PSME1: variants seen among roughly 807,000 people sequenced by gnomAD.
The protein encoded by PSME1 is proteasome activator complex subunit 1.
PSME1 carries 15 observed loss-of-function variants against 38.4 expected under a neutral mutation model. The ratio of observed to expected loss-of-function variants is 0.39; its 90% CI spans 0.26 to 0.60. The LOEUF (loss-of-function observed/expected upper bound fraction) is 0.60, where lower values mean the gene tolerates loss of function less well. Ranked by LOEUF, PSME1 falls within the 20% of genes least tolerant of loss-of-function variation. PSME1 has a pLI of 0.53. For synonymous variants in PSME1, 106 were observed against 106.8 expected (o/e 0.99, Z 0.05); for missense variants, 249 against 305.6 (o/e 0.81, Z 1.38).
Position 24,138,746 on chromosome 14 carries a change from A to C in PSME1, c.680A>C (p.Tyr227Ser), listed in dbSNP as rs2037968875. ...MEIRNAYAVL[Y>S]DIILKNFEKL... ...TCCCTGGCCCTGTAGGCTGTGTTAT[A>C]TGACATCATCCTGAAGAACTTCGAG... The change falls in exon 11 of 11, where the codon TAT becomes TCT. Residue 227 changes from tyrosine to serine, a missense_variant. Physicochemically the swap from Tyr to Ser is moderately radical, Grantham distance 144. Coordinates refer to ENST00000206451, the MANE Select transcript of PSME1 (RefSeq NM_006263.4). 2 of 1,614,154 alleles carry C rather than the reference A, an allele frequency of 1.2e-6. No individual in the cohort carries two copies. The highest frequency in any genetic ancestry group is 1.7e-6 in the Non-Finnish European group (2 of 1,180,032).
At chr14:24,137,117 C>T in intron 2 of PSME1, 26 bp from the exon 3 acceptor site, 4 of 1,614,050 alleles carry the variant, frequency 2.5e-6, no homozygotes, top group Non-Finnish European at 3.4e-6. Flanking sequence ...GACTCCCATC[C>T]TCCTCCACCC....
At position 24,136,462 on chromosome 14, in the gene PSME1, C is replaced by A; in HGVS notation, c.39+161C>A. The stretch of plus-strand genomic sequence containing the variant: ...GCCCCGGGGAGGGCGGCGACTGCTG[C>A]CTGCGGGGAGAGGCGAGGCGGCCGT... On this transcript the variant is annotated intron_variant, in intron 1 of 10. Transcript: ENST00000206451. The surrounding 1 kb of genome is among the most constrained non-coding windows in gnomAD (Gnocchi z 4.8). 1 of 666,988 alleles carries A rather than the reference C, an allele frequency of 1.5e-6. No individual in the cohort carries two copies. Among genetic ancestry groups the A allele is most frequent in the Non-Finnish European group, 2.3e-6 (1 of 437,088 alleles). 41.3% of individuals were successfully genotyped at this position (666,988 alleles called of 1,614,324 possible). A position where few individuals can be genotyped will look rare whatever the true frequency, so the allele number is the denominator to read the frequency against.
In PSME1 at chr14:24,136,353, G is replaced by A; in HGVS notation, c.39+52G>A. The A allele has an allele frequency of 1.4e-6, 2 of 1,470,910 alleles. No individual in the cohort carries two copies. The highest frequency in any genetic ancestry group is 1.8e-6 in the Non-Finnish European group (2 of 1,108,104). The allele number at this position is 1,470,910 out of a possible 1,614,324, so 91.1% of individuals were successfully genotyped here. A position where few individuals can be genotyped will look rare whatever the true frequency, so the allele number is the denominator to read the frequency against. On this transcript the variant is annotated intron_variant, in intron 1 of 10. Transcript: ENST00000206451. This position sits in a 1 kb window ranked among gnomAD's most constrained non-coding sequence, Gnocchi z 4.8. ...CCCACTGGGGAGGCGTGGCTGGAGC[G>A]GCCGGGGGCATCCCCGACCCGCCCC... is the stretch of plus-strand genomic sequence containing the variant.
chr14:24,137,839 A>G lies in PSME1; in HGVS notation c.390+42A>G, dbSNP rs371326607. 33 of 1,579,898 alleles carry G rather than the reference A, an allele frequency of 2.1e-5. 1 individual carries two copies. The highest frequency in any genetic ancestry group is 1.2e-4 in the South Asian group (11 of 90,484). On this transcript the variant is annotated intron_variant, in intron 6 of 10. Coordinates refer to ENST00000206451, the MANE Select transcript of PSME1 (RefSeq NM_006263.4). ...AAACTCTCAGGCTTCAAGTCAAACCATTGTCCTCTTGGTCCCTGCCATTTA... is the reference window on the plus strand; with the variant it reads ...AAACTCTCAGGCTTCAAGTCAAACCGTTGTCCTCTTGGTCCCTGCCATTTA...
Position 24,136,258 on chromosome 14 carries a change from C to A in PSME1, c.-5C>A. On this transcript the variant is annotated 5_prime_UTR_variant, in exon 1 of 11. Transcript: ENST00000206451. The surrounding 1 kb of genome is among the most constrained non-coding windows in gnomAD (Gnocchi z 4.8). The stretch of plus-strand genomic sequence containing the variant: ...TTGTGCGGCGCTAGGCCCCCCGTCC[C>A]GGTCATGGCCATGCTCAGGGTCCAG... The A allele has an allele frequency of 1.3e-6, 2 of 1,526,078 alleles. No homozygotes were observed. Among genetic ancestry groups the A allele is most frequent in the South Asian group, 2.5e-5 (2 of 80,854 alleles). 94.5% of individuals were successfully genotyped at this position (1,526,078 alleles called of 1,614,324 possible). A position where few individuals can be genotyped will look rare whatever the true frequency, so the allele number is the denominator to read the frequency against.
intron 5 of PSME1, 21 bp from the exon 6 acceptor site, chr14:24,137,679 G>T: frequency 1.2e-6 from 2 of 1,612,668 alleles, no homozygotes; most frequent in South Asian, 2.2e-5. Context: ...TCATGTGACT[G>T]ACCCATTGCT....
chr14:24,136,399 G>C lies in PSME1; in HGVS notation c.39+98G>C. 7.9e-7 allele frequency: 1 copy of C among 1,264,604 alleles called. No individual in the cohort carries two copies. 78.3% of individuals were successfully genotyped at this position (1,264,604 alleles called of 1,614,324 possible). ...GCCCCCCAGGCTCCCACGCGAGTCG[G>C]GGGCAGTCGGCCGAGCTGGCGCGCC... On this transcript the variant is annotated intron_variant, in intron 1 of 10. Coordinates refer to ENST00000206451, the MANE Select transcript of PSME1 (RefSeq NM_006263.4). This position sits in a 1 kb window ranked among gnomAD's most constrained non-coding sequence, Gnocchi z 4.8.
At position 24,138,600 on chromosome 14, in the gene PSME1, C is replaced by A. The variant is rs765375261; in HGVS notation, c.669+40C>A. 1.9e-6 allele frequency: 3 copies of A among 1,613,760 alleles called. No individual in the cohort carries two copies. The African/African-American group carries it at 4.0e-5, about 22-fold the overall frequency. On this transcript the variant is annotated intron_variant, in intron 10 of 10. Coordinates refer to ENST00000206451, the MANE Select transcript of PSME1 (RefSeq NM_006263.4). ...GCAGGGCAGGGGTGGGCAGAGGCAG[C>A]TTTCCCAGGCCACCCACTCCCTGAC...
chr14:24,138,573 G>A lies in PSME1; in HGVS notation c.669+13G>A. On this transcript the variant is annotated intron_variant, in intron 10 of 10. Transcript: ENST00000206451. ...CCGCAATGCTTATGTGAGGAGGCAA[G>A]GGCAGGGCAGGGGTGGGCAGAGGCA... is the stretch of plus-strand genomic sequence containing the variant. 1.2e-6 allele frequency: 2 copies of A among 1,614,006 alleles called. No homozygotes were observed.
At chr14:24,138,143 C>A in intron 7 of PSME1, 26 bp downstream of exon 7, 1 of 1,614,086 alleles carries the variant, frequency 6.2e-7, no homozygotes, top group Non-Finnish European at 8.5e-7. Context: ...CACTTCCCTG[C>A]TCTTTTCTAG....
rs186277859 is a variant in PSME1 at position 24,136,541 on chromosome 14, G to C, written c.39+240G>C. Among the ~76,000 whole-genome samples, 341 of 152,252 alleles carry C rather than the reference G, an allele frequency of 2.2e-3. No individual in the cohort carries two copies. The highest frequency in any genetic ancestry group is 5.2e-3 in the Admixed American group (80 of 15,298). On this transcript the variant is annotated intron_variant, in intron 1 of 10. Coordinates refer to ENST00000206451, the MANE Select transcript of PSME1 (RefSeq NM_006263.4). This position sits in a 1 kb window ranked among gnomAD's most constrained non-coding sequence, Gnocchi z 4.8. ...GCTGGCGTGGAGGGGAACTCCGCTG[G>C]CCTGGGGCCGGGGCCACACACAGAC...
chr14:24,137,830 AGTCAAACCATT>A lies in PSME1; in HGVS notation c.390+37_390+47del, dbSNP rs141211049. 4.1e-3 allele frequency: 6,626 copies of A among 1,602,478 alleles called. 243 individuals are homozygous for A. In the African/African-American group the frequency reaches 0.08, roughly 19 times the overall value. On this transcript the variant is annotated intron_variant, in intron 6 of 10. Transcript: ENST00000206451. ...CTCCCCCTTAAACTCTCAGGCTTCA[AGTCAAACCATT>A]GTCCTCTTGGTCCCTGCCATTTAGG...
At chr14:24,138,422 T>G (rs2037955377) in intron 9 of PSME1, 23 bp downstream of exon 9, 2 of 1,614,026 alleles carry the variant, frequency 1.2e-6, no homozygotes, top group Admixed American at 3.3e-5. Flanking sequence ...CAGGTCAGGG[T>G]GCATGGGGGA....
rs950898949 is a variant in PSME1, at chr14:24,136,216, G to T, written c.-47G>T. Reference sequence around the variant, plus strand: ...CCTACCGCTTTCGCTTTCCCTTCGCGGTGCCCACTCCACTCCTTGTGCGGC... The same window carrying T: ...CCTACCGCTTTCGCTTTCCCTTCGCTGTGCCCACTCCACTCCTTGTGCGGC... On this transcript the variant is annotated 5_prime_UTR_variant, in exon 1 of 11. Coordinates refer to ENST00000206451, the MANE Select transcript of PSME1 (RefSeq NM_006263.4). The surrounding 1 kb of genome is among the most constrained non-coding windows in gnomAD (Gnocchi z 4.8). 5 of 1,510,802 alleles carry T rather than the reference G, an allele frequency of 3.3e-6. No individual in the cohort carries two copies. The South Asian group carries it at 5.0e-5, about 15-fold the overall frequency. 93.6% of individuals were successfully genotyped at this position (1,510,802 alleles called of 1,614,324 possible).
chr14:24,136,451 G>A lies in PSME1; in HGVS notation c.39+150G>A. 1.4e-6 allele frequency: 1 copy of A among 719,972 alleles called. No homozygotes were observed. The highest frequency in any genetic ancestry group is 2.1e-6 in the Non-Finnish European group (1 of 484,746). 44.6% of individuals were successfully genotyped at this position (719,972 alleles called of 1,614,324 possible). A position where few individuals can be genotyped will look rare whatever the true frequency, so the allele number is the denominator to read the frequency against. ...GGAGCACCTGCGCCCCGGGGAGGGC[G>A]GCGACTGCTGCCTGCGGGGAGAGGC... On this transcript the variant is annotated intron_variant, in intron 1 of 10. Transcript: ENST00000206451. The surrounding 1 kb of genome is among the most constrained non-coding windows in gnomAD (Gnocchi z 4.8).
At chr14:24,137,242 C>A in intron 3 of PSME1, 37 bp downstream of exon 3, 1 of 1,611,886 alleles carries the variant, frequency 6.2e-7, no homozygotes, top group Middle Eastern at 1.7e-4. Flanking sequence ...GAGTAAAGGC[C>A]AAGAGAAGAG....
At position 24,137,132 on chromosome 14, in the gene PSME1, C is replaced by T; in HGVS notation, c.73-11C>T. The stretch of plus-strand genomic sequence containing the variant: ...GACTCCCATCCTCCTCCACCCCCAC[C>T]TCACACACAGACAGAGAACCTGCTC... On this transcript the variant is annotated splice_polypyrimidine_tract_variant and intron_variant, in intron 2 of 10. Coordinates refer to ENST00000206451, the MANE Select transcript of PSME1 (RefSeq NM_006263.4). 6.2e-7 allele frequency: 1 copy of T among 1,614,178 alleles called. No individual in the cohort carries two copies. The highest frequency in any genetic ancestry group is 8.5e-7 in the Non-Finnish European group (1 of 1,179,996).
intron 6 of PSME1, 56 bp downstream of exon 6, chr14:24,137,853 C>T: frequency 6.3e-7 from 1 of 1,582,888 alleles, no homozygotes; most frequent in Non-Finnish European, 8.7e-7. Context: ...TCCTCTTGGT[C>T]CCTGCCATTT....
Position 24,138,204 on chromosome 14 carries a change from G to A in PSME1, c.468G>A (p.Val156=), listed in dbSNP as rs917815287. The A allele has an allele frequency of 1.5e-5, 25 of 1,614,034 alleles. No individual in the cohort carries two copies. Among genetic ancestry groups the A allele is most frequent in the Non-Finnish European group, 2.0e-5 (24 of 1,180,016 alleles). The part of the protein sequence containing the change: ...NNFGVAVQEK[V]FELMTSLHTK... ...TTGCTTTTTTTCCCTAGGAGAAGGTGTTTGAGCTGATGACCAGCCTCCACA... is the reference window on the plus strand; with the variant it reads ...TTGCTTTTTTTCCCTAGGAGAAGGTATTTGAGCTGATGACCAGCCTCCACA... Residue 156 remains valine, a synonymous_variant, in exon 8 of 11, where the codon GTG becomes GTA. Transcript: ENST00000206451.
Sources: allele counts gnomAD v4.1 joint callset (sites outside exome capture counted in the v4.1 genomes callset), GRCh38; gene constraint gnomAD v4.1.1; non-coding constraint Gnocchi (gnomAD v3.1); transcripts MANE v1.5; gene names NCBI Gene and HGNC (gene_info 2026-07-23, HGNC 2026-07-21).